DNAJC13: variants seen among roughly 807,000 people sequenced by gnomAD.
The protein encoded by DNAJC13 is dnaJ homolog subfamily C member 13.
Under a neutral mutation model 290.5 loss-of-function variants are expected in DNAJC13, and 75 were observed. The observed-to-expected ratio is 0.26, with a 90% CI of 0.21 to 0.31. DNAJC13 has a LOEUF of 0.31. Among genes scored for constraint, DNAJC13 ranks in the 10% least tolerant of loss-of-function variants. The pLI, the probability that DNAJC13 is intolerant of heterozygous loss-of-function variation, is 1.00. For missense variants in DNAJC13, 2,260 were observed against 2,674.5 expected, an observed-to-expected ratio of 0.85 and a Z score of 3.42; for synonymous variants, 862 against 892.0, an observed-to-expected ratio of 0.97 and a Z score of 0.60.
intron 55 of DNAJC13, among the ~76,000 whole-genome samples, chr3:132,535,916 G>A (rs1433387201): frequency 6.6e-6 from 1 of 152,162 alleles, no homozygotes; most frequent in East Asian, 1.9e-4. Flanking sequence ...GAGCATCTCG[G>A]ATTTCATTTG....
intron 13 of DNAJC13, chr3:132,457,910 C>CAGT (rs1224226373): frequency 6.6e-6 from 1 of 152,106 alleles, no homozygotes; most frequent in Non-Finnish European, 1.5e-5. Context: ...TGTATGCAGA[C>CAGT]AGTAATAAAA....
At position 132,460,330 on chromosome 3, in the gene DNAJC13, C is replaced by A; in HGVS notation, c.1530C>A (p.Asn510Lys). 6.2e-7 allele frequency: 1 copy of A among 1,609,358 alleles called. No homozygotes were observed. The highest frequency in any genetic ancestry group is 8.5e-7 in the Non-Finnish European group (1 of 1,176,868). The change falls in exon 14 of 56, where the codon AAC becomes AAA. Residue 510 changes from asparagine (N) to lysine (K), a missense_variant. Physicochemically the swap from Asn to Lys is moderately conservative, Grantham distance 94. Around this residue, in one of 3 missense-constraint regions of DNAJC13, gnomAD observed 762 missense variants for 964.1 expected, o/e 0.79. Transcript: ENST00000260818. ...TCTCGTCAAAGAAGTTTCTGGAAAA[C>A]TTACTGGAGAAATTTAATTCCCATG... is the stretch of plus-strand genomic sequence containing the variant. ...SLLSSKKFLE[N>K]LLEKFNSHVD...
chr3:132,477,359 G>A (rs988508277), intron 22 of DNAJC13, among the ~76,000 whole-genome samples: 3 of 152,138 alleles, frequency 2.0e-5, no homozygotes. Flanking sequence ...GACATAGAAG[G>A]AATTCTTTAC....
chr3:132,433,503 C>T lies in DNAJC13; in HGVS notation c.-13-1035C>T, dbSNP rs548543983. ...TGTTGTCTAGGCTGGTCTCAAACTC[C>T]TGGTCTCAAGCGATCCTCCCACCTC... On this transcript the variant is annotated intron_variant, in intron 1 of 55. Transcript: ENST00000260818. 2.5e-3 allele frequency among the ~76,000 whole-genome samples: 378 copies of T among 152,284 alleles called. 4 individuals are homozygous for T. Among genetic ancestry groups the T allele is most frequent in the Non-Finnish European group, 1.9e-3 (126 of 68,012 alleles).
rs111283078 is a variant in DNAJC13 at position 132,528,820 on chromosome 3, T to G, written c.6525+488T>G. On this transcript the variant is annotated intron_variant, in intron 54 of 55. Coordinates refer to ENST00000260818, the MANE Select transcript of DNAJC13 (RefSeq NM_015268.4). ...TTTTTCCTATGTGTGTTAATGTATT[T>G]CAGCTGCACGTATTTGCTGACTTCA... Among the ~76,000 whole-genome samples, 876 of 152,236 alleles carry G rather than the reference T, an allele frequency of 5.8e-3. 9 individuals are homozygous for G. The highest frequency in any genetic ancestry group is 0.03 in the East Asian group (153 of 5,182).
chr3:132,532,912 A>AATTATC (rs1553753685), intron 55 of DNAJC13, among the ~76,000 whole-genome samples: 6 of 141,828 alleles, frequency 4.2e-5, no homozygotes, highest in African/African-American at 1.6e-4. Flanking sequence ...TAATTTTTGT[A>AATTATC]ATTATTATTA....
intron 13 of DNAJC13, among the ~76,000 whole-genome samples, chr3:132,459,686 T>C (rs1933727959): frequency 6.6e-6 from 1 of 152,118 alleles, no homozygotes; most frequent in African/African-American, 2.4e-5. Flanking sequence ...ACATGAATTA[T>C]CTCATCTAAG....
intron 6 of DNAJC13, 69 bp from the exon 7 acceptor site, chr3:132,453,229 G>A (rs1274087294): frequency 1.4e-6 from 2 of 1,420,120 alleles, no homozygotes; most frequent in Non-Finnish European, 1.9e-6. Context: ...CCTTTCCTAT[G>A]AGTTGATTAG....
intron 55 of DNAJC13, 136 bp from the exon 56 acceptor site, chr3:132,538,040 A>C: frequency 3.2e-6 from 2 of 632,404 alleles, no homozygotes; most frequent in South Asian, 2.0e-5. Flanking sequence ...TAAGGTATAG[A>C]TGTAATTTAG....
Position 132,434,523 on chromosome 3 carries a change from A to C in DNAJC13, c.-13-15A>C. 1 of 1,589,222 alleles carries C rather than the reference A, an allele frequency of 6.3e-7. No individual in the cohort carries two copies. Among genetic ancestry groups the C allele is most frequent in the Non-Finnish European group, 8.6e-7 (1 of 1,162,450 alleles). On this transcript the variant is annotated splice_polypyrimidine_tract_variant and intron_variant, in intron 1 of 55. Coordinates refer to ENST00000260818, the MANE Select transcript of DNAJC13 (RefSeq NM_015268.4). Reference sequence around the variant, plus strand: ...TATAACATGTACTAAGTGCCCTCATATTTTTATCTTCCAGGTTTGAGCACA... The same window carrying C: ...TATAACATGTACTAAGTGCCCTCATCTTTTTATCTTCCAGGTTTGAGCACA...
chr3:132,523,030 T>C (rs764434422), intron 49 of DNAJC13, 33 bp downstream of exon 49: 1 of 1,603,918 alleles, frequency 6.2e-7, no homozygotes, highest in South Asian at 1.1e-5. Flanking sequence ...ATTTATAGCC[T>C]TTAAATAAAA....
At position 132,531,148 on chromosome 3, in the gene DNAJC13, G is replaced by A. The variant is rs1936403385; in HGVS notation, c.6625+51G>A. ...TAAGACACCTGGCAGAAGCCACTTG[G>A]ACCTTCCTTTTGCCCTAAATAGACT... On this transcript the variant is annotated intron_variant, in intron 55 of 55. Transcript: ENST00000260818. 4 of 1,511,624 alleles carry A rather than the reference G, an allele frequency of 2.6e-6. No homozygotes were observed. The Admixed American group carries it at 6.7e-5, about 25-fold the overall frequency. The allele number at this position is 1,511,624 out of a possible 1,614,324, so 93.6% of individuals were successfully genotyped here. A position where few individuals can be genotyped will look rare whatever the true frequency, so the allele number is the denominator to read the frequency against.
In DNAJC13 at chr3:132,453,304, T is replaced by C. The variant is rs1216788884; in HGVS notation, c.544T>C (p.Phe182Leu). Residue 182 changes from phenylalanine to leucine, a missense_variant, in exon 7 of 56, where the codon TTT becomes CTT. Coordinates refer to ENST00000260818, the MANE Select transcript of DNAJC13 (RefSeq NM_015268.4). ...AATTTCTAAATTTGTGCAGCATTTA[T>C]TTGCGTCAGAGCAAAGAGAAGAGAT... ...LYGGFSRLHLFASEQREEIIK... is the reference protein window; with the variant it reads ...LYGGFSRLHLLASEQREEIIK... 1 of 1,613,032 alleles carries C rather than the reference T, an allele frequency of 6.2e-7. No individual in the cohort carries two copies. Among genetic ancestry groups the C allele is most frequent in the Non-Finnish European group, 8.5e-7 (1 of 1,179,608 alleles).
At position 132,457,275 on chromosome 3, in the gene DNAJC13, C is replaced by T. The variant is rs143596973; in HGVS notation, c.1356C>T (p.Arg452=). 27 of 1,596,818 alleles carry T rather than the reference C, an allele frequency of 1.7e-5. No homozygotes were observed. Among genetic ancestry groups the T allele is most frequent in the East Asian group, 6.7e-5 (3 of 44,732 alleles). The stretch of plus-strand genomic sequence containing the variant: ...TTGTTTTTTGTTCCAAAAGGTTTCG[C>T]GAGCGTCTAGGGGTGAAGGTAGTAA... ...FLAFTQLPKF[R]ERLGVKVVKA... is the part of the protein sequence containing the mutation. The change falls in exon 13 of 56, where the codon CGC becomes CGT. Residue 452 remains arginine (R), a synonymous_variant. Transcript: ENST00000260818.
intron 1 of DNAJC13, among the ~76,000 whole-genome samples, 180 bp downstream of exon 1, chr3:132,417,940 GC>G (rs959325992): frequency 5.9e-5 from 9 of 151,986 alleles, no homozygotes; most frequent in Non-Finnish European, 1.3e-4. Flanking sequence ...TTCGTTGGAC[GC>G]CCCCCCGGCT....
At chr3:132,429,985 A>C (rs1337537146) in intron 1 of DNAJC13, among the ~76,000 whole-genome samples, 1 of 152,186 alleles carries the variant, frequency 6.6e-6, no homozygotes, top group African/African-American at 2.4e-5. Flanking sequence ...TGATGATATG[A>C]ACTTCTGGAG....
intron 1 of DNAJC13, among the ~76,000 whole-genome samples, chr3:132,423,365 G>C (rs1439256545): frequency 1.3e-5 from 2 of 152,320 alleles, no homozygotes; most frequent in South Asian, 4.1e-4. Context: ...ATGAATGGAG[G>C]AGATGTTCTC....
chr3:132,513,801 C>T lies in DNAJC13; in HGVS notation c.5385+702C>T, dbSNP rs551782241. On this transcript the variant is annotated intron_variant, in intron 45 of 55. Transcript: ENST00000260818. ...ACAAGTAGTTCTTTGCCCAGGCAAC[C>T]GAGACTTCCCAGGATTATTTCTGAG... 5.3e-5 allele frequency among the ~76,000 whole-genome samples: 8 copies of T among 152,174 alleles called. No individual in the cohort carries two copies. The South Asian group carries it at 1.0e-3, about 20-fold the overall frequency.
intron 48 of DNAJC13, among the ~76,000 whole-genome samples, chr3:132,521,622 G>T (rs7652625): frequency 0.22 from 33,103 of 152,078 alleles, 3,763 homozygotes; most frequent in South Asian, 0.32. Flanking sequence ...GCTACTAGGG[G>T]CAGATATACC....
Sources: allele counts gnomAD v4.1 joint callset (sites outside exome capture counted in the v4.1 genomes callset), GRCh38; gene constraint gnomAD v4.1.1; regional missense constraint gnomAD v4.1.1; transcripts MANE v1.5; gene names NCBI Gene and HGNC (gene_info 2026-07-23, HGNC 2026-07-21).